PICALM: variants seen among roughly 807,000 people sequenced by gnomAD.
PICALM encodes the protein phosphatidylinositol-binding clathrin assembly protein.
In PICALM, 40 loss-of-function variants were observed where a neutral mutation model predicts 80.5. The observed-to-expected ratio is 0.50, with a 90% CI of 0.39 to 0.65. PICALM has a LOEUF of 0.65. Ranked by LOEUF, PICALM falls within the 30% of genes least tolerant of loss-of-function variation. PICALM has a pLI of 0.00. For missense variants in PICALM, 676 were observed against 778.9 expected, an observed-to-expected ratio of 0.87 and a Z score of 1.57; for synonymous variants, 288 against 260.3, an observed-to-expected ratio of 1.11 and a Z score of -1.02.
intron 13 of PICALM, 33 bp downstream of exon 13, chr11:85,990,217 T>C (rs372653343): frequency 3.7e-5 from 51 of 1,386,986 alleles, no homozygotes; most frequent in East Asian, 1.4e-4. Context: ...AGTATAAACA[T>C]TGATTGGAAA....
intron 14 of PICALM, among the ~76,000 whole-genome samples, chr11:85,982,423 C>CTTTTTTT (rs59672357): frequency 0.026 from 1,798 of 70,112 alleles, 366 homozygotes; most frequent in African/African-American, 0.11. Context: ...ATTTTATAGA[C>CTTTTTTT]TTTTTTTTTT....
At chr11:85,967,175 A>G (rs1235177496) in intron 19 of PICALM, among the ~76,000 whole-genome samples, 1 of 152,200 alleles carries the variant, frequency 6.6e-6, no homozygotes, top group Non-Finnish European at 1.5e-5. Flanking sequence ...TTTACAAGAA[A>G]AAGTTAAAGT....
chr11:86,002,233 T>C (rs115114414), intron 9 of PICALM, among the ~76,000 whole-genome samples: 240 of 152,300 alleles, frequency 1.6e-3, no homozygotes, highest in African/African-American at 5.4e-3. Context: ...AAATTCAAAG[T>C]ACAAATCTAG....
chr11:86,059,792 A>C (rs2096328644), intron 1 of PICALM, among the ~76,000 whole-genome samples: 1 of 152,144 alleles, frequency 6.6e-6, no homozygotes, highest in Admixed American at 6.5e-5. Context: ...GCAAAGGCTA[A>C]CGGTTTGGTA....
rs182381580 is a variant in PICALM at position 86,029,815 on chromosome 11, C to G, written c.273+1654G>C. Reference sequence around the variant, plus strand: ...CTTGCTAAAAGTAAAAACTATTATCCTAGTTAAGATGTTTCAAGTTACATT... The same window carrying G: ...CTTGCTAAAAGTAAAAACTATTATCGTAGTTAAGATGTTTCAAGTTACATT... On this transcript the variant is annotated intron_variant, in intron 2 of 19. Coordinates refer to ENST00000393346, the MANE Select transcript of PICALM (RefSeq NM_007166.4). 1.6e-4 allele frequency among the ~76,000 whole-genome samples: 25 copies of G among 152,238 alleles called. No homozygotes were observed. In the East Asian group the frequency reaches 4.6e-3, roughly 28 times the overall value.
chr11:86,022,221 A>G, intron 4 of PICALM, 146 bp downstream of exon 4: 1 of 506,466 alleles, frequency 2.0e-6, no homozygotes, highest in Non-Finnish European at 3.4e-6. Context: ...TCCTACCACA[A>G]AAAGTACTTG....
chr11:86,013,558 TAGGATAAAAAAAC>T (rs542082557), intron 5 of PICALM, among the ~76,000 whole-genome samples: 15 of 151,874 alleles, frequency 9.9e-5, no homozygotes, highest in Non-Finnish European at 1.8e-4. Flanking sequence ...TAGCACTGTT[TAGGATAAAAAAAC>T]AGAATAAACA....
At chr11:86,035,717 C>T (rs367791876) in intron 1 of PICALM, among the ~76,000 whole-genome samples, 68 of 151,382 alleles carry the variant, frequency 4.5e-4, no homozygotes, top group African/African-American at 1.5e-3. Context: ...CCGAGGCGGG[C>T]GGACTACCTG....
chr11:86,051,812 G>A (rs959463765), intron 1 of PICALM, among the ~76,000 whole-genome samples: 2 of 152,082 alleles, frequency 1.3e-5, no homozygotes, highest in African/African-American at 4.8e-5. Context: ...CCTTCAGATT[G>A]CCTGACCTCT....
chr11:86,065,156 A>G (rs1347273782), intron 1 of PICALM, among the ~76,000 whole-genome samples: 1 of 152,152 alleles, frequency 6.6e-6, no homozygotes, highest in Non-Finnish European at 1.5e-5. Flanking sequence ...TATAAATTAA[A>G]AATTGTGGGC....
chr11:86,005,120 T>C, intron 8 of PICALM, among the ~76,000 whole-genome samples: 1 of 152,172 alleles, frequency 6.6e-6, no homozygotes, highest in East Asian at 1.9e-4. Flanking sequence ...CCTGAGACAG[T>C]GAAGATTAAG....
At chr11:86,031,164 A>G (rs754775123) in intron 2 of PICALM, among the ~76,000 whole-genome samples, 1 of 71,136 alleles carries the variant, frequency 1.4e-5, no homozygotes, top group African/African-American at 9.9e-5. Context: ...AAAAGAACAA[A>G]TGGATATAGA....
In PICALM at chr11:85,961,855, CTATTTATTTATT is replaced by C. The variant is rs34885729; in HGVS notation, c.1945-2807_1945-2796del. 1.2e-3 allele frequency among the ~76,000 whole-genome samples: 181 copies of C among 149,478 alleles called. 2 individuals carry two copies. The highest frequency in any genetic ancestry group is 4.0e-3 in the African/African-American group (163 of 40,632). ...GCCAAGTGATTTCATTTCTTTCTAC[CTATTTATTTATT>C]TATTTATTTATTTATTTATTTTCGG... is the stretch of plus-strand genomic sequence containing the variant. On this transcript the variant is annotated intron_variant, in intron 19 of 19. Transcript: ENST00000393346.
At chr11:86,036,813 TG>T (rs559795623) in intron 1 of PICALM, among the ~76,000 whole-genome samples, 1 of 152,186 alleles carries the variant, frequency 6.6e-6, no homozygotes, top group South Asian at 2.1e-4. Flanking sequence ...TAAAACTGTA[TG>T]TGTGAGGCTA....
At chr11:86,042,412 A>C (rs2095989128) in intron 1 of PICALM, among the ~76,000 whole-genome samples, 1 of 152,114 alleles carries the variant, frequency 6.6e-6, no homozygotes, top group South Asian at 2.1e-4. Flanking sequence ...TTTTATTTAA[A>C]CAATAAGAAA....
intron 17 of PICALM, among the ~76,000 whole-genome samples, chr11:85,979,861 AAGG>A (rs1434422555): frequency 1.3e-5 from 2 of 152,174 alleles, no homozygotes; most frequent in African/African-American, 4.8e-5. Context: ...ACTTTTCCAC[AAGG>A]AGTTTTCTTT....
intron 19 of PICALM, among the ~76,000 whole-genome samples, chr11:85,967,915 G>T (rs1187650585): frequency 6.7e-6 from 1 of 148,258 alleles, no homozygotes; most frequent in African/African-American, 2.5e-5. Flanking sequence ...ACTGATGTCA[G>T]ACTGATTTAA....
chr11:85,960,015 G>T (rs1306366278), intron 19 of PICALM, among the ~76,000 whole-genome samples: 1 of 152,014 alleles, frequency 6.6e-6, no homozygotes, highest in Non-Finnish European at 1.5e-5. Flanking sequence ...ATCTCATTTG[G>T]GAAGCAAAAT....
chr11:86,051,473 C>T (rs1281041931), intron 1 of PICALM, among the ~76,000 whole-genome samples: 1 of 152,052 alleles, frequency 6.6e-6, no homozygotes, highest in Non-Finnish European at 1.5e-5. Flanking sequence ...CCAGTCTGGC[C>T]AACATGGTGA....
Sources: allele counts gnomAD v4.1 joint callset (sites outside exome capture counted in the v4.1 genomes callset), GRCh38; gene constraint gnomAD v4.1.1; transcripts MANE v1.5; gene names NCBI Gene and HGNC (gene_info 2026-07-23, HGNC 2026-07-21).